Variants in PDE1A observed in about 807,000 individuals in gnomAD.
PDE1A encodes phosphodiesterase 1A, also known as dual specificity calcium/calmodulin-dependent 3',5'-cyclic nucleotide phosphodiesterase 1A.
PDE1A carries 35 observed loss-of-function variants against 61.7 expected under a neutral mutation model. The observed-to-expected ratio is 0.57, with a 90% CI of 0.43 to 0.75. The LOEUF (loss-of-function observed/expected upper bound fraction) is 0.75. Ranked by LOEUF, PDE1A falls within the 30% of genes least tolerant of loss-of-function variation. PDE1A has a pLI of 0.00. For synonymous variants in PDE1A, 232 were observed against 213.2 expected, an observed-to-expected ratio of 1.09 and a Z score of -0.77; for missense variants, 597 against 630.6, an observed-to-expected ratio of 0.95 and a Z score of 0.57.
chr2:182,557,697 G>A, the PDE1A span, among the ~76,000 whole-genome samples: 1 of 152,010 alleles, frequency 6.6e-6, no homozygotes, highest in East Asian at 1.9e-4. Context: ...AGGCAACAGA[G>A]CAAGACCCTA....
At chr2:182,367,376 T>C (rs1378238146) in intron 1 of PDE1A, among the ~76,000 whole-genome samples, 1 of 152,094 alleles carries the variant, frequency 6.6e-6, no homozygotes, top group African/African-American at 2.4e-5. Flanking sequence ...ATACACTCAG[T>C]AAATTTGCTC....
the PDE1A span, among the ~76,000 whole-genome samples, chr2:182,590,909 AT>A: frequency 1.3e-5 from 2 of 152,194 alleles, no homozygotes; most frequent in African/African-American, 4.8e-5. Context: ...TCTAAGACAT[AT>A]TTCTAATACC....
At chr2:182,386,177 CG>C in intron 1 of PDE1A, among the ~76,000 whole-genome samples, 1 of 152,256 alleles carries the variant, frequency 6.6e-6, no homozygotes, top group East Asian at 1.9e-4. Flanking sequence ...AGTGCAGTGG[CG>C]TGATCTTGGC....
At chr2:182,155,839 C>T (rs1691050334) in intron 13 of PDE1A, among the ~76,000 whole-genome samples, 3 of 152,082 alleles carry the variant, frequency 2.0e-5, no homozygotes, top group Admixed American at 6.6e-5. Context: ...TGCAGTGAGC[C>T]GAGATTGCAC....
the PDE1A span, among the ~76,000 whole-genome samples, chr2:182,663,277 T>A: frequency 6.6e-6 from 1 of 152,100 alleles, no homozygotes; most frequent in Non-Finnish European, 1.5e-5. Context: ...GTGTGGCAAT[T>A]CCTCAAAGAC....
intron 1 of PDE1A, among the ~76,000 whole-genome samples, chr2:182,317,021 G>T (rs1329779919): frequency 2.0e-5 from 3 of 152,060 alleles, no homozygotes; most frequent in Non-Finnish European, 4.4e-5. Context: ...TTGTGTTTTG[G>T]TTTCACCTTG....
intron 1 of PDE1A, among the ~76,000 whole-genome samples, chr2:182,276,357 A>G (rs1055863640): frequency 2.0e-5 from 3 of 152,090 alleles, no homozygotes; most frequent in African/African-American, 7.2e-5. Context: ...TTTAATATGG[A>G]CATATATCAG....
chr2:182,679,714 G>C, the PDE1A span, among the ~76,000 whole-genome samples: 3 of 152,116 alleles, frequency 2.0e-5, no homozygotes, highest in Non-Finnish European at 4.4e-5. Context: ...GCCATTTCAT[G>C]AAGAAGCAGA....
the PDE1A span, among the ~76,000 whole-genome samples, chr2:182,606,450 T>C: frequency 2.6e-5 from 4 of 152,208 alleles, no homozygotes; most frequent in Admixed American, 6.5e-5. Context: ...AGTGCTGGGA[T>C]TACAGGTGTG....
the PDE1A span, among the ~76,000 whole-genome samples, chr2:182,638,091 CTTAA>C: frequency 3.9e-5 from 6 of 152,164 alleles, no homozygotes; most frequent in Admixed American, 2.0e-4. Context: ...AATGGAATCT[CTTAA>C]TTAATAATAT....
chr2:182,599,769 T>C, the PDE1A span, among the ~76,000 whole-genome samples: 1 of 152,224 alleles, frequency 6.6e-6, no homozygotes, highest in African/African-American at 2.4e-5. Context: ...CCATCTTTTA[T>C]CAGACAAGCC....
chr2:182,703,545 A>T, the PDE1A span, among the ~76,000 whole-genome samples: 3 of 152,196 alleles, frequency 2.0e-5, no homozygotes, highest in Non-Finnish European at 4.4e-5. Context: ...CATGTTTTAT[A>T]GTCCTGACCC....
the PDE1A span, among the ~76,000 whole-genome samples, chr2:182,544,434 G>A: frequency 6.6e-6 from 1 of 152,156 alleles, no homozygotes; most frequent in South Asian, 2.1e-4. Flanking sequence ...TTAGACTTTT[G>A]AGTCTAGATG....
At chr2:182,559,505 C>A in the PDE1A span, among the ~76,000 whole-genome samples, 3 of 152,122 alleles carry the variant, frequency 2.0e-5, no homozygotes, top group African/African-American at 7.2e-5. Context: ...TATAGAGCAA[C>A]CAGAATTCTC....
chr2:182,204,352 A>C (rs1162060430), intron 8 of PDE1A, among the ~76,000 whole-genome samples: 1 of 152,236 alleles, frequency 6.6e-6, no homozygotes, highest in Non-Finnish European at 1.5e-5. Context: ...TCTAGACTGT[A>C]AATCCTCTTG....
At chr2:182,496,968 AC>A (rs1456260348) in intron 2 of PDE1A, among the ~76,000 whole-genome samples, 4 of 152,220 alleles carry the variant, frequency 2.6e-5, no homozygotes, top group Non-Finnish European at 5.9e-5. Flanking sequence ...TGATACAATT[AC>A]TTTAAGGTTA....
chr2:182,418,992 C>A (rs1703097451), intron 1 of PDE1A, among the ~76,000 whole-genome samples: 1 of 151,262 alleles, frequency 6.6e-6, no homozygotes. Context: ...ATCGCTGATA[C>A]AATTGTCTTC....
At chr2:182,368,525 C>CT (rs34206320) in intron 1 of PDE1A, among the ~76,000 whole-genome samples, 1,946 of 145,412 alleles carry the variant, frequency 0.013, 25 homozygotes, top group South Asian at 0.05. Flanking sequence ...TTCTCATCAC[C>CT]TTTTTTTTTT....
chr2:182,509,758 C>G (rs1409699620), intron 2 of PDE1A, among the ~76,000 whole-genome samples: 1 of 152,048 alleles, frequency 6.6e-6, no homozygotes, highest in African/African-American at 2.4e-5. Flanking sequence ...TTAAGGTAAC[C>G]AGAAATGTAG....
Sources: allele counts gnomAD v4.1 joint callset (sites outside exome capture counted in the v4.1 genomes callset), GRCh38; gene constraint gnomAD v4.1.1; transcripts MANE v1.5; gene names NCBI Gene and HGNC (gene_info 2026-07-23, HGNC 2026-07-21).